The following EPHA6 variants were observed in gnomAD, a reference collection of about 807,000 sequenced individuals.
The protein encoded by EPHA6 is EPH receptor A6, also known as ephrin type-A receptor 6.
In EPHA6, 50 loss-of-function variants were observed where a neutral mutation model predicts 112.0. The ratio of observed to expected loss-of-function variants is 0.45; its 90% CI spans 0.36 to 0.56. The LOEUF is 0.56. Ranked by LOEUF, EPHA6 falls within the 20% of genes least tolerant of loss-of-function variation. EPHA6 has a pLI of 0.00. For missense variants in EPHA6, 1,280 were observed against 1,417.4 expected (o/e 0.90, Z 1.56); for synonymous variants, 529 against 490.7 (o/e 1.08, Z -1.03).
At chr3:97,063,860 G>T (rs1356118760) in intron 3 of EPHA6, among the ~76,000 whole-genome samples, 1 of 152,118 alleles carries the variant, frequency 6.6e-6, no homozygotes, top group Non-Finnish European at 1.5e-5. Context: ...ATAATTGAAT[G>T]CCCAAGCTCA....
chr3:97,639,952 GTTT>G (rs34823940), intron 14 of EPHA6, among the ~76,000 whole-genome samples: 3 of 149,612 alleles, frequency 2.0e-5, no homozygotes, highest in South Asian at 2.1e-4. Context: ...ATATAATCAA[GTTT>G]TTTTTTTTTA....
At chr3:97,237,494 G>A (rs990447979) in intron 4 of EPHA6, among the ~76,000 whole-genome samples, 6 of 151,938 alleles carry the variant, frequency 3.9e-5, no homozygotes, top group Admixed American at 1.3e-4. Context: ...TTGGAGAATC[G>A]AGTTACCACT....
intron 3 of EPHA6, among the ~76,000 whole-genome samples, chr3:97,186,501 G>T (rs1407420066): frequency 6.6e-6 from 1 of 152,048 alleles, no homozygotes; most frequent in Admixed American, 6.6e-5. Flanking sequence ...AGCTTCTTGG[G>T]AAAGCCATGC....
At chr3:97,501,621 T>A in intron 10 of EPHA6, among the ~76,000 whole-genome samples, 1 of 152,050 alleles carries the variant, frequency 6.6e-6, no homozygotes, top group East Asian at 1.9e-4. Context: ...ATTTAGAAAA[T>A]TTCTAGACCT....
chr3:97,012,366 G>A (rs562865812), intron 3 of EPHA6, among the ~76,000 whole-genome samples: 2 of 151,302 alleles, frequency 1.3e-5, no homozygotes, highest in South Asian at 4.2e-4. Context: ...ACCCAGGCTG[G>A]AGTGCATTGG....
chr3:97,153,885 G>T (rs1183456527), intron 3 of EPHA6, among the ~76,000 whole-genome samples: 1 of 152,048 alleles, frequency 6.6e-6, no homozygotes, highest in Non-Finnish European at 1.5e-5. Flanking sequence ...GCAAACTTCG[G>T]CTGAGTGCAG....
intron 5 of EPHA6, among the ~76,000 whole-genome samples, chr3:97,346,622 T>C (rs1346015401): frequency 1.3e-5 from 2 of 152,050 alleles, no homozygotes; most frequent in African/African-American, 4.8e-5. Flanking sequence ...GGACATACTC[T>C]TCTGTTTTAC....
intron 5 of EPHA6, among the ~76,000 whole-genome samples, chr3:97,403,674 C>T (rs1344623390): frequency 6.6e-6 from 1 of 152,176 alleles, no homozygotes; most frequent in Non-Finnish European, 1.5e-5. Flanking sequence ...TCTAGATCTC[C>T]TGACCTCGTG....
At chr3:97,392,745 A>G (rs901158442) in intron 5 of EPHA6, among the ~76,000 whole-genome samples, 11 of 151,754 alleles carry the variant, frequency 7.2e-5, no homozygotes, top group African/African-American at 2.7e-4. Flanking sequence ...AATATTAGTT[A>G]AAATGATTTT....
At chr3:97,480,921 G>A (rs549508410) in intron 9 of EPHA6, among the ~76,000 whole-genome samples, 106 of 151,986 alleles carry the variant, frequency 7.0e-4, no homozygotes, top group Non-Finnish European at 1.2e-3. Context: ...GACAATGGGC[G>A]GCCGGGCAAA....
intron 3 of EPHA6, among the ~76,000 whole-genome samples, chr3:97,127,044 A>G (rs1234170333): frequency 6.6e-6 from 1 of 152,104 alleles, no homozygotes; most frequent in East Asian, 1.9e-4. Context: ...AGGTCCCTAG[A>G]ACAAAAAACA....
rs1303231771 is a variant in EPHA6 at position 97,752,761 on chromosome 3, G to T, written c.*4060G>T. Among the ~76,000 whole-genome samples, 1 of 151,900 alleles carries T rather than the reference G, an allele frequency of 6.6e-6. No homozygotes were observed. Among genetic ancestry groups the T allele is most frequent in the Non-Finnish European group, 1.5e-5 (1 of 67,922 alleles). The stretch of plus-strand genomic sequence containing the variant: ...TGGATGATGATGATCCTTTTTAATT[G>T]CTTTAACTAAGGAAGTTTATTATTA... On this transcript the variant is annotated 3_prime_UTR_variant, in exon 18 of 18. Transcript: ENST00000389672.
At chr3:97,747,964 T>C (rs1263882350) in intron 17 of EPHA6, among the ~76,000 whole-genome samples, 2 of 152,072 alleles carry the variant, frequency 1.3e-5, no homozygotes, top group South Asian at 4.1e-4. Flanking sequence ...CTAGATATTA[T>C]AATGGTCAAC....
In EPHA6 at chr3:97,542,094, G is replaced by GT. The variant is rs35609794; in HGVS notation, c.2386+9564dup. 2.6e-3 allele frequency among the ~76,000 whole-genome samples: 376 copies of GT among 141,920 alleles called. 2 individuals are homozygous for GT. Among genetic ancestry groups the GT allele is most frequent in the Middle Eastern group, 3.7e-3 (1 of 272 alleles). The allele number at this position is 141,920 out of a possible 152,430, so 93.1% of individuals were successfully genotyped here. On this transcript the variant is annotated intron_variant, in intron 11 of 17. Transcript: ENST00000389672. ...CTGTCTTGTCGCTTCATGTTTTTTT[G>GT]TTTTTTTTTTTTTATACTTTACGTT...
At chr3:96,982,558 A>G (rs1357607317) in intron 2 of EPHA6, among the ~76,000 whole-genome samples, 2 of 152,158 alleles carry the variant, frequency 1.3e-5, no homozygotes, top group Non-Finnish European at 2.9e-5. Flanking sequence ...AGTTCTGTAG[A>G]TGTCTATTAG....
chr3:97,011,292 TCCAG>T, intron 3 of EPHA6, among the ~76,000 whole-genome samples: 1 of 152,322 alleles, frequency 6.6e-6, no homozygotes, highest in East Asian at 1.9e-4. Flanking sequence ...TAACAGACTA[TCCAG>T]AGGCCTGGTT....
chr3:97,121,253 G>A (rs2048032825), intron 3 of EPHA6, among the ~76,000 whole-genome samples: 1 of 151,946 alleles, frequency 6.6e-6, no homozygotes, highest in African/African-American at 2.4e-5. Flanking sequence ...AAAAATTTAC[G>A]AATGCCCATT....
At chr3:96,983,915 A>G (rs904152172) in intron 2 of EPHA6, among the ~76,000 whole-genome samples, 1 of 152,172 alleles carries the variant, frequency 6.6e-6, no homozygotes, top group African/African-American at 2.4e-5. Flanking sequence ...AGGTCATTCA[A>G]GGACTTCTCT....
chr3:97,166,831 T>A (rs1320350652), intron 3 of EPHA6, among the ~76,000 whole-genome samples: 1 of 152,166 alleles, frequency 6.6e-6, no homozygotes, highest in Non-Finnish European at 1.5e-5. Context: ...GCTAAAGAAG[T>A]GTCTCCTATT....
Sources: allele counts gnomAD v4.1 joint callset (sites outside exome capture counted in the v4.1 genomes callset), GRCh38; gene constraint gnomAD v4.1.1; transcripts MANE v1.5; gene names NCBI Gene and HGNC (gene_info 2026-07-23, HGNC 2026-07-21).